NFIC: variants seen among roughly 807,000 people sequenced by gnomAD.
NFIC encodes nuclear factor 1 C-type.
NFIC carries 12 observed loss-of-function variants against 54.4 expected under a neutral mutation model. The observed-to-expected ratio is 0.22, with a 90% confidence interval of 0.14 to 0.36. NFIC has a LOEUF of 0.36. Ranked by LOEUF, NFIC falls within the 10% of genes least tolerant of loss-of-function variation. NFIC has a pLI of 1.00. For missense variants in NFIC, 575 were observed against 718.2 expected (o/e 0.80, Z 2.28); for synonymous variants, 322 against 319.2 (o/e 1.01, Z -0.09).
intron 5 of NFIC, 149 bp from the exon 6 acceptor site, chr19:3,434,934 G>T (rs1308195013): frequency 9.1e-7 from 1 of 1,100,278 alleles, no homozygotes; most frequent in Non-Finnish European, 1.3e-6. Flanking sequence ...GTAGGGAACG[G>T]GCTGAACGCC....
chr19:3,437,635 C>CAAAA (rs397860121), intron 6 of NFIC, among the ~76,000 whole-genome samples: 75 of 77,238 alleles, frequency 9.7e-4, no homozygotes, highest in African/African-American at 2.1e-3. Context: ...GACTATGTCT[C>CAAAA]AAAAAAAAAA....
chr19:3,360,515 T>A (rs573878981), intron 1 of NFIC, among the ~76,000 whole-genome samples: 140 of 151,954 alleles, frequency 9.2e-4, no homozygotes, highest in Non-Finnish European at 1.5e-3. Flanking sequence ...CTGCGCTCCG[T>A]AACGGGCCGG....
In NFIC at chr19:3,452,677, C is replaced by T. The variant is rs375047561; in HGVS notation, c.1269+11C>T. 5.0e-6 allele frequency: 8 copies of T among 1,592,010 alleles called. No individual in the cohort carries two copies. Among genetic ancestry groups the T allele is most frequent in the African/African-American group, 1.3e-5 (1 of 74,674 alleles). On this transcript the variant is annotated intron_variant, in intron 8 of 10. Coordinates refer to ENST00000443272, the MANE Select transcript of NFIC (RefSeq NM_001245002.2). The surrounding 1 kb of genome is among the most constrained non-coding windows in gnomAD (Gnocchi z 5.3). The stretch of plus-strand genomic sequence containing the variant: ...CAGCAACCTGGACCGGTGAGTTGGG[C>T]GGGGCGCATTCGGGCCTCTCCTGGC...
chr19:3,359,718 G>A, intron 1 of NFIC: 3 of 1,416,320 alleles, frequency 2.1e-6, no homozygotes, highest in South Asian at 1.4e-5. Context: ...GTTTTCGCCC[G>A]GGGACTTTTT....
chr19:3,452,376 C>A lies in NFIC; in HGVS notation c.1085-106C>A. ...TTTTGGTGGTTATTGTTACTAAACGCACTGAGATGCCGGCAGGAATGACAC... is the reference window on the plus strand; with the variant it reads ...TTTTGGTGGTTATTGTTACTAAACGAACTGAGATGCCGGCAGGAATGACAC... On this transcript the variant is annotated intron_variant, in intron 7 of 10. Coordinates refer to ENST00000443272, the MANE Select transcript of NFIC (RefSeq NM_001245002.2). This position sits in a 1 kb window ranked among gnomAD's most constrained non-coding sequence, Gnocchi z 5.3. The A allele has an allele frequency of 7.1e-7, 1 of 1,417,306 alleles. No homozygotes were observed. The highest frequency in any genetic ancestry group is 9.7e-7 in the Non-Finnish European group (1 of 1,034,614). The allele number at this position is 1,417,306 out of a possible 1,614,324, so 87.8% of individuals were successfully genotyped here.
At chr19:3,399,960 G>A (rs1391303425) in intron 2 of NFIC, among the ~76,000 whole-genome samples, 2 of 151,684 alleles carry the variant, frequency 1.3e-5, no homozygotes, top group Non-Finnish European at 2.9e-5. Context: ...TGAGGCGGGA[G>A]GATCGCTTGA....
At chr19:3,409,795 C>A (rs563779049) in intron 2 of NFIC, among the ~76,000 whole-genome samples, 48 of 152,358 alleles carry the variant, frequency 3.2e-4, no homozygotes, top group African/African-American at 1.1e-3. Context: ...TGTTGTGCAT[C>A]ATTTGTTTGC....
intron 7 of NFIC, among the ~76,000 whole-genome samples, chr19:3,451,351 G>A (rs1007412824): frequency 6.6e-6 from 1 of 152,164 alleles, no homozygotes; most frequent in African/African-American, 2.4e-5. Context: ...GCTGGAATTA[G>A]GCCGGGCACA....
rs984557096 is a variant in NFIC, at chr19:3,404,462, C to T, written c.563-20644C>T. ...CCCTGGGTGGCCGTGCGCGGGTGGG[C>T]GCTTGGCAAGGCCGCCCTGCTGTTG... On this transcript the variant is annotated intron_variant, in intron 2 of 10. Coordinates refer to ENST00000443272, the MANE Select transcript of NFIC (RefSeq NM_001245002.2). 2.0e-5 allele frequency among the ~76,000 whole-genome samples: 3 copies of T among 152,248 alleles called. No individual in the cohort carries two copies. The East Asian group carries it at 5.8e-4, about 29-fold the overall frequency.
chr19:3,442,381 T>G (rs1007114819), intron 6 of NFIC, among the ~76,000 whole-genome samples: 42 of 66,354 alleles, frequency 6.3e-4, no homozygotes, highest in South Asian at 6.1e-3. Context: ...TTCCCATCCC[T>G]TTTTTTTTTT....
At chr19:3,405,056 G>C (rs2081624062) in intron 2 of NFIC, among the ~76,000 whole-genome samples, 1 of 152,172 alleles carries the variant, frequency 6.6e-6, no homozygotes, top group East Asian at 1.9e-4. Flanking sequence ...CCGGAGCCAG[G>C]CCATGGAGCC....
chr19:3,463,182 C>G lies in NFIC; in HGVS notation c.*413C>G, dbSNP rs1271817614. 6 of 1,066,248 alleles carry G rather than the reference C, an allele frequency of 5.6e-6. No individual in the cohort carries two copies. The highest frequency in any genetic ancestry group is 5.1e-5 in the African/African-American group (3 of 58,482). The allele number at this position is 1,066,248 out of a possible 1,614,324, so 66.0% of individuals were successfully genotyped here. A position where few individuals can be genotyped will look rare whatever the true frequency, so the allele number is the denominator to read the frequency against. Reference sequence around the variant, plus strand: ...GCCGCCCGCCCGCGCCCCGGAGGCCCTGGCTCTGTCCGGAGACCAGGTGAG... The same window carrying G: ...GCCGCCCGCCCGCGCCCCGGAGGCCGTGGCTCTGTCCGGAGACCAGGTGAG... On this transcript the variant is annotated 3_prime_UTR_variant, in exon 11 of 11. Coordinates refer to ENST00000443272, the MANE Select transcript of NFIC (RefSeq NM_001245002.2).
intron 2 of NFIC, among the ~76,000 whole-genome samples, chr19:3,422,238 GT>G (rs1010929644): frequency 2.6e-5 from 4 of 151,130 alleles, no homozygotes; most frequent in Admixed American, 1.3e-4. Context: ...CACCTGGACT[GT>G]TTTTTTGTAT....
chr19:3,454,416 C>G (rs1016785671), intron 9 of NFIC: 1 of 271,958 alleles, frequency 3.7e-6, no homozygotes, highest in African/African-American at 2.3e-5. Flanking sequence ...TTTGGGTGAC[C>G]TGGGCTGGAC....
rs544249198 is a variant in NFIC, at chr19:3,458,684, G to A, written c.1509+2049G>A. Among the ~76,000 whole-genome samples the A allele has an allele frequency of 1.2e-3, 183 of 152,118 alleles. 1 individual carries two copies. Among genetic ancestry groups the A allele is most frequent in the Non-Finnish European group, 1.8e-3 (125 of 67,984 alleles). On this transcript the variant is annotated intron_variant, in intron 10 of 10. Transcript: ENST00000443272. The surrounding 1 kb of genome is among the most constrained non-coding windows in gnomAD (Gnocchi z 4.1). ...ATAGGCAATGGTGTGGGTCGGGGGA[G>A]GGGGAGCTGGCTGGAATGTGAGAGA...
chr19:3,443,012 A>C (rs1485904023), intron 6 of NFIC, among the ~76,000 whole-genome samples: 1 of 152,236 alleles, frequency 6.6e-6, no homozygotes, highest in Non-Finnish European at 1.5e-5. Context: ...AGAGCTCTTG[A>C]CATGGAGTGG....
At chr19:3,404,589 C>CCCCCCA (rs1050763650) in intron 2 of NFIC, among the ~76,000 whole-genome samples, 3 of 152,018 alleles carry the variant, frequency 2.0e-5, no homozygotes, top group African/African-American at 4.8e-5. Context: ...CTCCTGGTGT[C>CCCCCCA]CCCCCACCCC....
At position 3,467,781 on chromosome 19, in the gene NFIC, A is replaced by ATATG. The variant is rs1555685971; in HGVS notation, c.*5015_*5016insGTAT. On this transcript the variant is annotated 3_prime_UTR_variant, in exon 11 of 11. Transcript: ENST00000443272. The stretch of plus-strand genomic sequence containing the variant: ...TACATATATATATATATATATATAT[A>ATATG]TATATATAATTTTGGAATTTGTTTC... The ATATG allele has an allele frequency of 5.9e-5, 8 of 135,142 alleles. No homozygotes were observed. The highest frequency in any genetic ancestry group is 2.4e-4 in the African/African-American group (8 of 33,120). The allele number at this position is 135,142 out of a possible 1,614,324, so 8.4% of individuals were successfully genotyped here.
intron 2 of NFIC, among the ~76,000 whole-genome samples, chr19:3,391,448 C>T (rs1471263274): frequency 6.6e-6 from 1 of 151,518 alleles, no homozygotes; most frequent in Non-Finnish European, 1.5e-5. Context: ...GTCAAGAATT[C>T]GAGACCAGCC....
Sources: allele counts gnomAD v4.1 joint callset (sites outside exome capture counted in the v4.1 genomes callset), GRCh38; gene constraint gnomAD v4.1.1; non-coding constraint Gnocchi (gnomAD v3.1); transcripts MANE v1.5; gene names NCBI Gene and HGNC (gene_info 2026-07-23, HGNC 2026-07-21).